The following MBNL2 variants were observed in gnomAD, a reference collection of about 807,000 sequenced individuals.
The protein encoded by MBNL2 is muscleblind-like protein 2.
In MBNL2, 17 loss-of-function variants were observed where a neutral mutation model predicts 41.9. The ratio of observed to expected loss-of-function variants is 0.41; its 90% CI spans 0.28 to 0.61. The LOEUF (loss-of-function observed/expected upper bound fraction) is 0.61, where lower values mean the gene tolerates loss of function less well. Ranked by LOEUF, MBNL2 falls within the 20% of genes least tolerant of loss-of-function variation. The probability of loss-of-function intolerance (pLI) is 0.35; values close to 1 mark genes in which losing one functional copy is unlikely to be tolerated. For missense variants in MBNL2, 336 were observed against 505.6 expected (o/e 0.66, Z 3.22); for synonymous variants, 195 against 182.9 (o/e 1.07, Z -0.53).
At chr13:97,370,064 A>T (rs920585705) in intron 8 of MBNL2, among the ~76,000 whole-genome samples, 1 of 152,136 alleles carries the variant, frequency 6.6e-6, no homozygotes, top group Non-Finnish European at 1.5e-5. Context: ...ATTATATACT[A>T]TGTAAGACAG....
the MBNL2 span, among the ~76,000 whole-genome samples, chr13:97,148,504 ATG>A: frequency 2.0e-5 from 3 of 152,254 alleles, no homozygotes; most frequent in Admixed American, 2.0e-4. Context: ...GTTGTAACAA[ATG>A]TACCAGTCTT....
At chr13:97,343,813 G>T (rs2011452) in intron 4 of MBNL2, among the ~76,000 whole-genome samples, 91,561 of 151,616 alleles carry the variant, frequency 0.6, 30,343 homozygotes, top group African/African-American at 0.9. Context: ...TGTTTTGTTT[G>T]GTTTGGTTTT....
chr13:97,331,182 T>G (rs1029730507), intron 2 of MBNL2, among the ~76,000 whole-genome samples: 6 of 152,226 alleles, frequency 3.9e-5, no homozygotes, highest in Non-Finnish European at 8.8e-5. Context: ...ATAATAACAT[T>G]TACTCAGTGC....
the MBNL2 span, among the ~76,000 whole-genome samples, chr13:97,211,051 T>C: frequency 7.9e-5 from 12 of 152,100 alleles, no homozygotes; most frequent in Non-Finnish European, 1.5e-4. Context: ...ATTTGATGCA[T>C]GATCTGACAC....
At chr13:97,292,200 C>CAAAAAAA (rs34473435) in intron 2 of MBNL2, among the ~76,000 whole-genome samples, 1 of 69,492 alleles carries the variant, frequency 1.4e-5, no homozygotes, top group African/African-American at 4.6e-5. Flanking sequence ...GACTCCATCT[C>CAAAAAAA]AAAAAAAAAA....
intron 2 of MBNL2, among the ~76,000 whole-genome samples, chr13:97,322,700 T>C (rs1011705860): frequency 2.0e-5 from 3 of 152,066 alleles, no homozygotes; most frequent in African/African-American, 7.2e-5. Flanking sequence ...AACCTAGTCT[T>C]CCTTCCCCTC....
At chr13:97,237,168 C>T (rs1485646493) in intron 1 of MBNL2, among the ~76,000 whole-genome samples, 2 of 152,200 alleles carry the variant, frequency 1.3e-5, no homozygotes, top group Non-Finnish European at 2.9e-5. Flanking sequence ...GCACGAGTTA[C>T]CAAATTCATT....
chr13:97,308,562 C>T (rs1242047629), intron 2 of MBNL2, among the ~76,000 whole-genome samples: 1 of 152,202 alleles, frequency 6.6e-6, no homozygotes. Context: ...CATACCCACA[C>T]ACCAACAATC....
At chr13:97,202,399 C>T in the MBNL2 span, among the ~76,000 whole-genome samples, 1 of 152,136 alleles carries the variant, frequency 6.6e-6, no homozygotes, top group Non-Finnish European at 1.5e-5. Flanking sequence ...TTCGGATCTG[C>T]CAATTACCGG....
intron 1 of MBNL2, among the ~76,000 whole-genome samples, chr13:97,233,674 G>GT (rs1178454100): frequency 0.035 from 4,975 of 142,872 alleles, 173 homozygotes; most frequent in African/African-American, 0.081. Flanking sequence ...GAGTTTCCCT[G>GT]TTTTTTTTTT....
At chr13:97,311,549 A>G (rs1017818502) in intron 2 of MBNL2, among the ~76,000 whole-genome samples, 17 of 152,232 alleles carry the variant, frequency 1.1e-4, no homozygotes, top group Non-Finnish European at 2.5e-4. Flanking sequence ...ACATTTTTTA[A>G]TTAAAAGAAA....
At chr13:97,365,292 C>T (rs2063760061) in intron 8 of MBNL2, 121 bp downstream of exon 8, 1 of 760,822 alleles carries the variant, frequency 1.3e-6, no homozygotes, top group African/African-American at 1.7e-5. Flanking sequence ...GCTTATTTGG[C>T]TTTAGAGTTA....
chr13:97,346,269 ATGG>A lies in MBNL2; in HGVS notation c.541-534_541-532del. ...GATGGATGGATGGATGGATGGATGG[ATGG>A]ATAGATGGATGGGTGGATGGATAGA... On this transcript the variant is annotated intron_variant, in intron 4 of 8. Transcript: ENST00000679496. The surrounding 1 kb of genome is among the most constrained non-coding windows in gnomAD (Gnocchi z 4.2). Among the ~76,000 whole-genome samples the A allele has an allele frequency of 2.0e-5, 3 of 151,948 alleles. No homozygotes were observed. The highest frequency in any genetic ancestry group is 7.3e-5 in the African/African-American group (3 of 41,326).
chr13:97,361,550 C>A (rs1222337349), intron 7 of MBNL2, among the ~76,000 whole-genome samples: 2 of 151,968 alleles, frequency 1.3e-5, no homozygotes, highest in East Asian at 1.9e-4. Context: ...GAGAGAGAGG[C>A]TCATGGAATT....
At chr13:97,369,581 T>C (rs2064169683) in intron 8 of MBNL2, among the ~76,000 whole-genome samples, 1 of 152,244 alleles carries the variant, frequency 6.6e-6, no homozygotes, top group Admixed American at 6.5e-5. Flanking sequence ...TCAGTTCAAA[T>C]ATTTAAAATC....
rs138060887 is a variant in MBNL2 at position 97,375,595 on chromosome 13, C to T, written c.1048+10424C>T. Among the ~76,000 whole-genome samples the T allele has an allele frequency of 5.9e-5, 9 of 152,300 alleles. No homozygotes were observed. The East Asian group carries it at 1.5e-3, about 26-fold the overall frequency. On this transcript the variant is annotated intron_variant, in intron 8 of 8. Coordinates refer to ENST00000679496, the MANE Select transcript of MBNL2 (RefSeq NM_001382683.1). ...ATGCACCAGCCATCTGCTTTCCACACGCCATTATGTTAAACCCACCGGGAC... is the reference window on the plus strand; with the variant it reads ...ATGCACCAGCCATCTGCTTTCCACATGCCATTATGTTAAACCCACCGGGAC...
At chr13:97,318,054 G>T (rs542250610) in intron 2 of MBNL2, among the ~76,000 whole-genome samples, 1 of 152,324 alleles carries the variant, frequency 6.6e-6, no homozygotes, top group South Asian at 2.1e-4. Flanking sequence ...GCCAGGCTGA[G>T]TAGGTTCAAG....
the MBNL2 span, among the ~76,000 whole-genome samples, chr13:97,147,749 T>C: frequency 5.9e-5 from 9 of 152,310 alleles, no homozygotes; most frequent in Admixed American, 2.0e-4. Context: ...GATCTTGGTT[T>C]ACCTGATGTC....
chr13:97,352,064 T>TAAA (rs2062544969), intron 5 of MBNL2, among the ~76,000 whole-genome samples: 1 of 141,062 alleles, frequency 7.1e-6, no homozygotes, highest in Non-Finnish European at 1.6e-5. Context: ...AAATAAATAA[T>TAAA]AAATAAATAA....
Sources: allele counts gnomAD v4.1 joint callset (sites outside exome capture counted in the v4.1 genomes callset), GRCh38; gene constraint gnomAD v4.1.1; non-coding constraint Gnocchi (gnomAD v3.1); transcripts MANE v1.5; gene names NCBI Gene and HGNC (gene_info 2026-07-23, HGNC 2026-07-21).